The following MRPS6 variants were observed in gnomAD, a reference collection of about 807,000 sequenced individuals.
MRPS6 encodes small ribosomal subunit protein bS6m.
MRPS6 carries 6 observed loss-of-function variants against 13.1 expected under a neutral mutation model. The observed-to-expected ratio is 0.46, with a 90% CI of 0.25 to 0.91. The LOEUF is 0.91. Among genes scored for constraint, MRPS6 ranks in the 40% least tolerant of loss-of-function variants. The pLI is 0.18. For missense variants in MRPS6, 164 were observed against 155.6 expected (o/e 1.05, Z -0.29); for synonymous variants, 61 against 56.5 (o/e 1.08, Z -0.36).
At chr21:34,136,911 T>G (rs1980723569) in intron 2 of MRPS6, among the ~76,000 whole-genome samples, 1 of 152,226 alleles carries the variant, frequency 6.6e-6, no homozygotes, top group Non-Finnish European at 1.5e-5. Context: ...TTGAGTTAAT[T>G]TTTTAAATGG....
Position 34,142,495 on chromosome 21 carries a change from G to C in MRPS6, c.273G>C (p.Gly91=), listed in dbSNP as rs1449534951. ...HLSRDIDVIR[G]NIVKHPLTQE... ...CTCGAGATATAGATGTGATTAGAGG[G>C]AATATTGTCAAACACCCTCTGACCC... is the stretch of plus-strand genomic sequence containing the variant. Residue 91 remains glycine (G), a synonymous_variant, in exon 3 of 3, where the codon GGG becomes GGC. Coordinates refer to ENST00000399312, the MANE Select transcript of MRPS6 (RefSeq NM_032476.4). 19 of 1,612,906 alleles carry C rather than the reference G, an allele frequency of 1.2e-5. No homozygotes were observed. The highest frequency in any genetic ancestry group is 1.5e-5 in the Non-Finnish European group (18 of 1,179,588).
At chr21:34,112,982 C>T (rs1049413396) in intron 1 of MRPS6, among the ~76,000 whole-genome samples, 10 of 151,962 alleles carry the variant, frequency 6.6e-5, no homozygotes, top group African/African-American at 2.4e-4. Flanking sequence ...CATGGTGAAA[C>T]CCTGTCTCTA....
chr21:34,122,874 A>G (rs1980168899), intron 1 of MRPS6: 1 of 152,196 alleles, frequency 6.6e-6, no homozygotes, highest in South Asian at 2.1e-4. Flanking sequence ...TCCTCTGCAG[A>G]TGTATGGCGA....
chr21:34,108,489 C>T (rs188418226), intron 1 of MRPS6, among the ~76,000 whole-genome samples: 3 of 152,276 alleles, frequency 2.0e-5, no homozygotes, highest in East Asian at 3.9e-4. Context: ...AACTGCCTAA[C>T]GACGCATTTC....
At position 34,114,693 on chromosome 21, in the gene MRPS6, T is replaced by A. The variant is rs570784691; in HGVS notation, c.46-10648T>A. 6.6e-5 allele frequency among the ~76,000 whole-genome samples: 10 copies of A among 152,322 alleles called. No homozygotes were observed. In the East Asian group the frequency reaches 1.7e-3, roughly 26 times the overall value. ...GATTATATGCAAGTGAGCCCCCAAA[T>A]TTGTCCTTAAATGAATGACATCTGA... On this transcript the variant is annotated intron_variant, in intron 1 of 2. Coordinates refer to ENST00000399312, the MANE Select transcript of MRPS6 (RefSeq NM_032476.4).
chr21:34,097,934 G>A (rs1278069182), intron 1 of MRPS6: 3 of 996,464 alleles, frequency 3.0e-6, no homozygotes, highest in African/African-American at 3.5e-5. Context: ...ATGTTTTCCT[G>A]TAGGTATTTT....
chr21:34,074,456 C>T (rs915237519), intron 1 of MRPS6, among the ~76,000 whole-genome samples: 2 of 152,218 alleles, frequency 1.3e-5, no homozygotes, highest in African/African-American at 4.8e-5. Context: ...TTTCTTCCCC[C>T]TGCTTTTGAT....
At chr21:34,112,263 G>T (rs1329142311) in intron 1 of MRPS6, among the ~76,000 whole-genome samples, 1 of 151,988 alleles carries the variant, frequency 6.6e-6, no homozygotes, top group African/African-American at 2.4e-5. Context: ...AAGTTCTTTG[G>T]ACCTCCAGCA....
chr21:34,104,044 A>G (rs767076797), intron 1 of MRPS6: 100 of 1,000,034 alleles, frequency 1.0e-4, no homozygotes, highest in Admixed American at 6.8e-4. Flanking sequence ...ACATGCAGAA[A>G]GTCATACTTT....
chr21:34,112,397 C>CA (rs1303978166), intron 1 of MRPS6, among the ~76,000 whole-genome samples: 15 of 147,000 alleles, frequency 1.0e-4, no homozygotes, highest in Admixed American at 9.6e-4. Context: ...AGAAGAAAGA[C>CA]ACGTTTATAG....
At chr21:34,107,696 G>C (rs771840909) in intron 1 of MRPS6, among the ~76,000 whole-genome samples, 4 of 152,194 alleles carry the variant, frequency 2.6e-5, no homozygotes, top group East Asian at 3.9e-4. Context: ...TGAACTCCTG[G>C]ATTACTTTGT....
intron 2 of MRPS6, among the ~76,000 whole-genome samples, chr21:34,134,963 A>G (rs1980635958): frequency 6.6e-6 from 1 of 152,214 alleles, no homozygotes. Flanking sequence ...AATATTTTCA[A>G]TTTACGGGTT....
intron 1 of MRPS6, among the ~76,000 whole-genome samples, chr21:34,077,302 T>A (rs922674959): frequency 3.3e-5 from 5 of 152,202 alleles, no homozygotes; most frequent in Non-Finnish European, 5.9e-5. Context: ...TTTTTATGCC[T>A]TGGGTATACA....
chr21:34,082,042 T>C (rs1427666285), intron 1 of MRPS6, among the ~76,000 whole-genome samples: 1 of 148,688 alleles, frequency 6.7e-6, no homozygotes, highest in Non-Finnish European at 1.5e-5. Flanking sequence ...ATCCAGATTT[T>C]ATAGGAAATC....
intron 1 of MRPS6, chr21:34,095,380 G>T: frequency 6.2e-7 from 1 of 1,614,124 alleles, no homozygotes; most frequent in Non-Finnish European, 8.5e-7. Flanking sequence ...AGCAATATTG[G>T]GAGTGAGCAC....
intron 1 of MRPS6, chr21:34,104,108 G>A (rs766858832): frequency 2.8e-5 from 28 of 999,808 alleles, no homozygotes; most frequent in Non-Finnish European, 3.4e-5. Flanking sequence ...TTGTATGTGA[G>A]AGATGAAGTT....
Position 34,141,014 on chromosome 21 carries a change from G to A in MRPS6, c.186-1394G>A, listed in dbSNP as rs1055545128. On this transcript the variant is annotated intron_variant, in intron 2 of 2. Coordinates refer to ENST00000399312, the MANE Select transcript of MRPS6 (RefSeq NM_032476.4). ...TTACTTACAAGTTTTGAACCTCTTT[G>A]CCCTTTGTCTGGAATTACACAAAAT... is the stretch of plus-strand genomic sequence containing the variant. Among the ~76,000 whole-genome samples, 9 of 152,246 alleles carry A rather than the reference G, an allele frequency of 5.9e-5. 1 individual carries two copies. The highest frequency in any genetic ancestry group is 4.1e-4 in the South Asian group (2 of 4,824).
chr21:34,099,573 T>C, intron 1 of MRPS6: 2 of 1,000,034 alleles, frequency 2.0e-6, no homozygotes, highest in South Asian at 4.7e-5. Context: ...CTCTTCCATA[T>C]CCAGCGTAAA....
chr21:34,120,856 G>C (rs895989509), intron 1 of MRPS6, among the ~76,000 whole-genome samples: 1 of 152,192 alleles, frequency 6.6e-6, no homozygotes, highest in African/African-American at 2.4e-5. Flanking sequence ...TTTTGCCTCA[G>C]TGTTACAGTT....
Sources: allele counts gnomAD v4.1 joint callset (sites outside exome capture counted in the v4.1 genomes callset), GRCh38; gene constraint gnomAD v4.1.1; transcripts MANE v1.5; gene names NCBI Gene and HGNC (gene_info 2026-07-23, HGNC 2026-07-21).